CHD9: variants seen among roughly 807,000 people sequenced by gnomAD.
The protein encoded by CHD9 is ATP-dependent chromatin remodeler CHD9.
CHD9 carries 77 observed loss-of-function variants against 316.1 expected under a neutral mutation model. That is an observed-to-expected ratio of 0.24 (90% CI 0.20 to 0.29). The LOEUF (loss-of-function observed/expected upper bound fraction) is 0.29. Among genes scored for constraint, CHD9 ranks in the 10% least tolerant of loss-of-function variants. CHD9 has a pLI of 1.00. For synonymous variants in CHD9, 1,129 were observed against 1,158.3 expected, an observed-to-expected ratio of 0.97 and a Z score of 0.51; for missense variants, 2,763 against 3,438.1, an observed-to-expected ratio of 0.80 and a Z score of 4.91.
intron 8 of CHD9, among the ~76,000 whole-genome samples, chr16:53,230,635 G>T (rs1301663875): frequency 6.6e-6 from 1 of 152,128 alleles, no homozygotes; most frequent in Non-Finnish European, 1.5e-5. Flanking sequence ...GGGAGAGTCG[G>T]TGAAGAATTT....
chr16:53,093,997 C>G (rs781628369), intron 1 of CHD9, among the ~76,000 whole-genome samples: 2 of 152,132 alleles, frequency 1.3e-5, no homozygotes, highest in African/African-American at 4.8e-5. Flanking sequence ...TGCCTCTGCC[C>G]GGTGTCAGCC....
At chr16:53,140,095 TA>T (rs941453780) in intron 1 of CHD9, among the ~76,000 whole-genome samples, 192 of 144,788 alleles carry the variant, frequency 1.3e-3, no homozygotes, top group Admixed American at 1.2e-3. Flanking sequence ...GACCCTATCT[TA>T]AAAAAAAAAA....
chr16:53,099,540 A>T (rs146549089), intron 1 of CHD9, among the ~76,000 whole-genome samples: 4 of 151,920 alleles, frequency 2.6e-5, no homozygotes, highest in African/African-American at 4.8e-5. Context: ...GTTCCACCTT[A>T]GATAGGTCAC....
chr16:53,180,327 T>C (rs1317450987), intron 2 of CHD9, among the ~76,000 whole-genome samples: 1 of 152,146 alleles, frequency 6.6e-6, no homozygotes, highest in Non-Finnish European at 1.5e-5. Context: ...TTTAATGTGC[T>C]TTCCCAATTT....
chr16:53,164,645 AG>A (rs1017345278), intron 2 of CHD9, among the ~76,000 whole-genome samples: 3 of 144,462 alleles, frequency 2.1e-5, no homozygotes, highest in African/African-American at 5.1e-5. Context: ...TTTTTTTTGG[AG>A]GGGGGGGTTT....
At chr16:53,284,208 T>A (rs1389654519) in intron 24 of CHD9, among the ~76,000 whole-genome samples, 1 of 152,144 alleles carries the variant, frequency 6.6e-6, no homozygotes, top group Non-Finnish European at 1.5e-5. Flanking sequence ...TTGTATAATT[T>A]ATATTGTTTT....
chr16:53,105,793 A>G (rs2037298842), intron 1 of CHD9, among the ~76,000 whole-genome samples: 1 of 150,182 alleles, frequency 6.7e-6, no homozygotes, highest in Admixed American at 6.6e-5. Flanking sequence ...ACTGGTGATA[A>G]CTGTCTCTGG....
At chr16:53,078,542 G>C (rs1339856555) in intron 1 of CHD9, among the ~76,000 whole-genome samples, 6 of 152,152 alleles carry the variant, frequency 3.9e-5, no homozygotes, top group Admixed American at 1.3e-4. Flanking sequence ...CTAGTCTGTA[G>C]TATTCTGTTA....
intron 2 of CHD9, among the ~76,000 whole-genome samples, chr16:53,177,108 A>G (rs1393455224): frequency 6.6e-6 from 1 of 152,088 alleles, no homozygotes; most frequent in Non-Finnish European, 1.5e-5. Flanking sequence ...GGCACATGCC[A>G]CCATGCCTGG....
chr16:53,314,635 C>T (rs576127602), intron 35 of CHD9, 119 bp downstream of exon 35: 689 of 991,862 alleles, frequency 6.9e-4, no homozygotes, highest in South Asian at 1.2e-3. Context: ...AGAAGTATGC[C>T]ATATAATTTT....
In CHD9 at chr16:53,157,120, A is replaced by T; in HGVS notation, c.1031A>T (p.His344Leu). The T allele has an allele frequency of 6.2e-7, 1 of 1,611,074 alleles. No homozygotes were observed. Among genetic ancestry groups the T allele is most frequent in the Non-Finnish European group, 8.5e-7 (1 of 1,178,190 alleles). Reference sequence around the variant, plus strand: ...AATTTCCAAATATTGCATTCATCACATCCTCAGGGTAATTATAGCAATTCA... The same window carrying T: ...AATTTCCAAATATTGCATTCATCACTTCCTCAGGGTAATTATAGCAATTCA... Reference protein sequence around the residue: ...SNNFQILHSSHPQGNYSNSKL... With the variant: ...SNNFQILHSSLPQGNYSNSKL... Residue 344 changes from histidine to leucine, a missense_variant, in exon 2 of 39, where the codon CAT becomes CTT. By Grantham distance (99) the His-to-Leu change is moderately conservative (BLOSUM62 -3). Transcript: ENST00000447540.
At chr16:53,266,388 C>T (rs1597722919) in intron 20 of CHD9, among the ~76,000 whole-genome samples, 2 of 152,162 alleles carry the variant, frequency 1.3e-5, no homozygotes, top group Admixed American at 6.6e-5. Context: ...TTTGTCCTCT[C>T]CTGCTCTAGG....
intron 1 of CHD9, among the ~76,000 whole-genome samples, chr16:53,141,562 T>A (rs1417228592): frequency 6.6e-6 from 1 of 152,214 alleles, no homozygotes. Context: ...GGATCTTAGC[T>A]TTTAGAATAA....
intron 34 of CHD9, among the ~76,000 whole-genome samples, chr16:53,309,401 G>A (rs956160830): frequency 1.3e-5 from 2 of 151,982 alleles, no homozygotes; most frequent in African/African-American, 2.4e-5. Context: ...CTCAATTATC[G>A]AAGTTCTGTC....
chr16:53,200,370 C>CA (rs60076527), intron 2 of CHD9, among the ~76,000 whole-genome samples: 13,699 of 88,010 alleles, frequency 0.16, 965 homozygotes, highest in South Asian at 0.24. Flanking sequence ...TACTCTGTCT[C>CA]AAAAAAAAAA....
intron 2 of CHD9, among the ~76,000 whole-genome samples, chr16:53,186,457 A>C (rs1359975899): frequency 6.6e-6 from 1 of 152,188 alleles, no homozygotes; most frequent in Admixed American, 6.5e-5. Flanking sequence ...TTACAGGCTC[A>C]TAGGTGGAAG....
At chr16:53,274,542 G>A (rs531552557) in intron 24 of CHD9, among the ~76,000 whole-genome samples, 2 of 151,860 alleles carry the variant, frequency 1.3e-5, no homozygotes, top group Non-Finnish European at 2.9e-5. Context: ...TGCAACCTCC[G>A]CCTCCTGGGT....
intron 1 of CHD9, among the ~76,000 whole-genome samples, chr16:53,122,893 T>A (rs866840778): frequency 6.6e-6 from 1 of 151,142 alleles, no homozygotes; most frequent in Non-Finnish European, 1.5e-5. Context: ...TTTTTTTGTA[T>A]TTTTAGTAGA....
chr16:53,098,952 G>C (rs895339546), intron 1 of CHD9, among the ~76,000 whole-genome samples: 1 of 152,204 alleles, frequency 6.6e-6, no homozygotes, highest in Non-Finnish European at 1.5e-5. Flanking sequence ...AGTGTACGGG[G>C]CAGGAGGCTG....
Sources: allele counts gnomAD v4.1 joint callset (sites outside exome capture counted in the v4.1 genomes callset), GRCh38; gene constraint gnomAD v4.1.1; transcripts MANE v1.5; gene names NCBI Gene and HGNC (gene_info 2026-07-23, HGNC 2026-07-21).